The following PREX1 variants were observed in gnomAD, a reference collection of about 807,000 sequenced individuals.
The protein encoded by PREX1 is phosphatidylinositol-3,4,5-trisphosphate dependent Rac exchange factor 1.
In PREX1, 41 loss-of-function variants were observed where a neutral mutation model predicts 198.3. That is an observed-to-expected ratio of 0.21 (90% CI 0.16 to 0.27). PREX1 has a LOEUF of 0.27. PREX1 is among the 10% of genes least tolerant of loss of function. The pLI is 1.00. For synonymous variants in PREX1, 843 were observed against 887.2 expected (o/e 0.95, Z 0.89); for missense variants, 1,620 against 2,200.7 (o/e 0.74, Z 5.28).
chr20:48,858,267 C>G, the PREX1 span, among the ~76,000 whole-genome samples: 1 of 152,192 alleles, frequency 6.6e-6, no homozygotes, highest in Non-Finnish European at 1.5e-5. Flanking sequence ...GGTTATACTC[C>G]GGGCATGTGA....
At chr20:48,793,795 T>G (rs928802612) in intron 1 of PREX1, among the ~76,000 whole-genome samples, 2 of 152,228 alleles carry the variant, frequency 1.3e-5, no homozygotes, top group Non-Finnish European at 2.9e-5. Flanking sequence ...GCATTACTTA[T>G]TCATATGTAA....
At chr20:48,752,181 C>G (rs755193052) in intron 1 of PREX1, among the ~76,000 whole-genome samples, 1 of 152,184 alleles carries the variant, frequency 6.6e-6, no homozygotes, top group Admixed American at 6.5e-5. Flanking sequence ...GGAATCATTA[C>G]AGAGAGAGGT....
intron 5 of PREX1, among the ~76,000 whole-genome samples, chr20:48,710,791 T>C: frequency 6.6e-6 from 1 of 152,360 alleles, no homozygotes; most frequent in South Asian, 2.1e-4. Flanking sequence ...CGGGCCACAC[T>C]GCGTCTGCAG....
chr20:48,840,564 C>T, the PREX1 span, among the ~76,000 whole-genome samples: 2 of 152,158 alleles, frequency 1.3e-5, no homozygotes, highest in Admixed American at 6.5e-5. Context: ...ATGGCAGAGA[C>T]ATTCAGGTGT....
intron 1 of PREX1, among the ~76,000 whole-genome samples, chr20:48,782,198 T>A (rs906400303): frequency 6.6e-6 from 1 of 152,166 alleles, no homozygotes; most frequent in African/African-American, 2.4e-5. Context: ...CACTCAAATC[T>A]CATCTCGAAT....
chr20:48,827,302 C>G lies in PREX1; in HGVS notation c.219+340G>C, dbSNP rs1440612487. 3.3e-5 allele frequency among the ~76,000 whole-genome samples: 5 copies of G among 152,236 alleles called. No individual in the cohort carries two copies. Among genetic ancestry groups the G allele is most frequent in the African/African-American group, 1.2e-4 (5 of 41,466 alleles). On this transcript the variant is annotated intron_variant, in intron 1 of 39. Coordinates refer to ENST00000371941, the MANE Select transcript of PREX1 (RefSeq NM_020820.4). The surrounding 1 kb of genome is among the most constrained non-coding windows in gnomAD (Gnocchi z 4.1). ...AAAAAGACGCAGGAGCGCCAGCTCC[C>G]GGCGCCGCCGGGGTCCCCAAGCCCC...
chr20:48,826,411 G>GA (rs1001225600), intron 1 of PREX1, among the ~76,000 whole-genome samples: 5 of 151,934 alleles, frequency 3.3e-5, no homozygotes, highest in South Asian at 2.1e-4. Flanking sequence ...CCCTCTCACA[G>GA]AAAAAAAGCA....
intron 5 of PREX1, among the ~76,000 whole-genome samples, chr20:48,715,602 C>T (rs1027364706): frequency 6.6e-6 from 1 of 152,112 alleles, no homozygotes; most frequent in Non-Finnish European, 1.5e-5. Flanking sequence ...AGACTCACCC[C>T]CTAAGGCTAA....
At chr20:48,764,071 C>A (rs1278372545) in intron 1 of PREX1, among the ~76,000 whole-genome samples, 1 of 152,178 alleles carries the variant, frequency 6.6e-6, no homozygotes, top group African/African-American at 2.4e-5. Flanking sequence ...CCACTCTAAC[C>A]CTCTCTTGCG....
intron 2 of PREX1, among the ~76,000 whole-genome samples, chr20:48,746,655 C>A (rs2090108773): frequency 6.6e-6 from 1 of 152,044 alleles, no homozygotes; most frequent in Non-Finnish European, 1.5e-5. Context: ...ATGCTCTCTG[C>A]CTTCATTTGG....
chr20:48,649,254 G>A, intron 25 of PREX1, 46 bp downstream of exon 25: 1 of 1,585,786 alleles, frequency 6.3e-7, no homozygotes, highest in Non-Finnish European at 8.6e-7. Context: ...CCAGGATTGA[G>A]AACACCTGCC....
intron 1 of PREX1, among the ~76,000 whole-genome samples, chr20:48,826,524 G>A (rs2090509566): frequency 6.6e-6 from 1 of 152,198 alleles, no homozygotes; most frequent in African/African-American, 2.4e-5. Flanking sequence ...TCCCAGACAA[G>A]CTACCCGGCC....
At chr20:48,790,237 G>A (rs1241342403) in intron 1 of PREX1, among the ~76,000 whole-genome samples, 4 of 152,164 alleles carry the variant, frequency 2.6e-5, no homozygotes, top group Admixed American at 6.5e-5. Context: ...GGACACAGCC[G>A]GATGCATCCT....
At chr20:48,725,218 C>G (rs73138209) in intron 5 of PREX1, among the ~76,000 whole-genome samples, 13,384 of 152,246 alleles carry the variant, frequency 0.088, 703 homozygotes, top group South Asian at 0.12. Flanking sequence ...TGAGCAGGTG[C>G]GTGAATGAGG....
intron 1 of PREX1, among the ~76,000 whole-genome samples, chr20:48,790,057 G>T (rs933241922): frequency 6.6e-6 from 1 of 152,196 alleles, no homozygotes; most frequent in Non-Finnish European, 1.5e-5. Flanking sequence ...GGGCTTTGAA[G>T]TCAGACTGCT....
intron 1 of PREX1, among the ~76,000 whole-genome samples, chr20:48,802,673 G>A (rs1349610999): frequency 6.6e-6 from 1 of 152,306 alleles, no homozygotes; most frequent in Middle Eastern, 3.4e-3. Flanking sequence ...AGAGATATGA[G>A]AGCAGGGATT....
chr20:48,820,368 A>T (rs970791088), intron 1 of PREX1, among the ~76,000 whole-genome samples: 1 of 152,158 alleles, frequency 6.6e-6, no homozygotes, highest in Non-Finnish European at 1.5e-5. Context: ...GGACTCAGAG[A>T]GGCAAAGCAA....
At chr20:48,775,295 A>G (rs1568859793) in intron 1 of PREX1, among the ~76,000 whole-genome samples, 1 of 152,030 alleles carries the variant, frequency 6.6e-6, no homozygotes, top group Non-Finnish European at 1.5e-5. Context: ...AGCCTTACGA[A>G]GAAATCAAGC....
chr20:48,683,998 GAC>G (rs1439882257), intron 10 of PREX1, among the ~76,000 whole-genome samples: 1 of 152,106 alleles, frequency 6.6e-6, no homozygotes, highest in East Asian at 1.9e-4. Context: ...CTCCCAGAAA[GAC>G]ACAGCTCAGG....
Sources: allele counts gnomAD v4.1 joint callset (sites outside exome capture counted in the v4.1 genomes callset), GRCh38; gene constraint gnomAD v4.1.1; non-coding constraint Gnocchi (gnomAD v3.1); transcripts MANE v1.5; gene names NCBI Gene and HGNC (gene_info 2026-07-23, HGNC 2026-07-21).